JARID2: variants seen among roughly 807,000 people sequenced by gnomAD.
JARID2 encodes the protein protein Jumonji.
In JARID2, 21 loss-of-function variants were observed where a neutral mutation model predicts 125.6. The ratio of observed to expected loss-of-function variants is 0.17; its 90% confidence interval spans 0.12 to 0.24. JARID2 has a LOEUF of 0.24. Ranked by LOEUF, JARID2 falls within the 10% of genes least tolerant of loss-of-function variation. The pLI, the probability that JARID2 is intolerant of heterozygous loss-of-function variation, is 1.00. For synonymous variants in JARID2, 736 were observed against 661.6 expected (o/e 1.11, Z -1.73); for missense variants, 1,303 against 1,639.6 (o/e 0.79, Z 3.55).
chr6:15,330,069 T>C (rs1216529640), intron 1 of JARID2, among the ~76,000 whole-genome samples: 5 of 152,180 alleles, frequency 3.3e-5, no homozygotes, highest in Non-Finnish European at 7.3e-5. Flanking sequence ...AGGAAAAGGA[T>C]ATATATGTGC....
intron 2 of JARID2, among the ~76,000 whole-genome samples, chr6:15,381,518 A>T (rs1189329720): frequency 1.3e-5 from 2 of 151,950 alleles, no homozygotes; most frequent in Non-Finnish European, 2.9e-5. Flanking sequence ...GTTTCCCCTG[A>T]TGTGAGGACA....
intron 1 of JARID2, among the ~76,000 whole-genome samples, chr6:15,324,136 G>A (rs1379044170): frequency 6.6e-6 from 1 of 151,120 alleles, no homozygotes; most frequent in Non-Finnish European, 1.5e-5. Flanking sequence ...CCAAGATTGG[G>A]CCACTGCACT....
At chr6:15,359,886 T>A (rs1763732531) in intron 1 of JARID2, among the ~76,000 whole-genome samples, 1 of 151,996 alleles carries the variant, frequency 6.6e-6, no homozygotes, top group Non-Finnish European at 1.5e-5. Flanking sequence ...GGCATTTCAC[T>A]GTCCTGGTCA....
intron 1 of JARID2, among the ~76,000 whole-genome samples, chr6:15,251,238 A>G (rs1303004628): frequency 6.6e-6 from 1 of 151,688 alleles, no homozygotes; most frequent in Non-Finnish European, 1.5e-5. Context: ...CTGGTCTTGA[A>G]CTCCTGACCT....
intron 5 of JARID2, among the ~76,000 whole-genome samples, chr6:15,469,159 T>TGGA (rs1768895134): frequency 6.6e-6 from 1 of 151,780 alleles, no homozygotes; most frequent in South Asian, 2.1e-4. Flanking sequence ...GTGTATAGTG[T>TGGA]GGAGGAGGAG....
At chr6:15,481,863 T>C (rs544125234) in intron 5 of JARID2, among the ~76,000 whole-genome samples, 1 of 152,348 alleles carries the variant, frequency 6.6e-6, no homozygotes, top group East Asian at 1.9e-4. Context: ...TAGAGTACCT[T>C]GCTGAAGTCT....
At chr6:15,463,754 G>A (rs996592809) in intron 4 of JARID2, among the ~76,000 whole-genome samples, 4 of 152,046 alleles carry the variant, frequency 2.6e-5, no homozygotes, top group African/African-American at 9.7e-5. Flanking sequence ...AAATACGTCT[G>A]CTAGATACGA....
At chr6:15,510,905 T>C (rs1181765085) in intron 12 of JARID2, among the ~76,000 whole-genome samples, 1 of 152,258 alleles carries the variant, frequency 6.6e-6, no homozygotes, top group Admixed American at 6.5e-5. Context: ...TGGCCTCTGT[T>C]AACAGAAGGA....
chr6:15,389,957 G>A (rs1764936033), intron 2 of JARID2, among the ~76,000 whole-genome samples: 1 of 152,176 alleles, frequency 6.6e-6, no homozygotes, highest in Non-Finnish European at 1.5e-5. Flanking sequence ...TTTAACTGGA[G>A]AGACTTTTTT....
chr6:15,389,195 C>T (rs1764908416), intron 2 of JARID2, among the ~76,000 whole-genome samples: 1 of 152,072 alleles, frequency 6.6e-6, no homozygotes, highest in African/African-American at 2.4e-5. Context: ...TTTATTTTTT[C>T]TGTTGCCCAG....
At chr6:15,313,184 A>G (rs1762073016) in intron 1 of JARID2, among the ~76,000 whole-genome samples, 1 of 152,186 alleles carries the variant, frequency 6.6e-6, no homozygotes, top group Non-Finnish European at 1.5e-5. Context: ...GTTAGGGAGA[A>G]TATGTTGACT....
chr6:15,408,193 A>G (rs1049072931), intron 2 of JARID2, among the ~76,000 whole-genome samples: 4 of 152,136 alleles, frequency 2.6e-5, no homozygotes, highest in African/African-American at 7.2e-5. Flanking sequence ...TCAAGGCTGC[A>G]ATAAGCTATG....
intron 1 of JARID2, among the ~76,000 whole-genome samples, chr6:15,262,687 G>A (rs1245266380): frequency 1.3e-5 from 2 of 152,038 alleles, no homozygotes; most frequent in African/African-American, 4.8e-5. Flanking sequence ...ACAGGTGTGC[G>A]CCACCACGCC....
At chr6:15,393,429 T>C (rs1325724027) in intron 2 of JARID2, among the ~76,000 whole-genome samples, 2 of 152,234 alleles carry the variant, frequency 1.3e-5, no homozygotes, top group Non-Finnish European at 2.9e-5. Context: ...ATTTCCATCA[T>C]TGAGTAATTC....
rs536580085 is a variant in JARID2 at position 15,277,597 on chromosome 6, C to T, written c.45+31013C>T. On this transcript the variant is annotated intron_variant, in intron 1 of 17. Coordinates refer to ENST00000341776, the MANE Select transcript of JARID2 (RefSeq NM_004973.4). ...TAGTTAAACTGAAACAAAGGTCCGA[C>T]AGTCTTTATTTTGCATTTTAAGGTA... Among the ~76,000 whole-genome samples, 114 of 152,256 alleles carry T rather than the reference C, an allele frequency of 7.5e-4. 2 individuals carry two copies. The Middle Eastern group carries it at 0.017, about 23-fold the overall frequency.
At chr6:15,433,483 C>T (rs1466153291) in intron 3 of JARID2, among the ~76,000 whole-genome samples, 2 of 148,680 alleles carry the variant, frequency 1.3e-5, no homozygotes, top group East Asian at 2.1e-4. Context: ...GCTTAGGTGG[C>T]GTGCATCCTA....
chr6:15,274,722 T>C (rs1760431866), intron 1 of JARID2, among the ~76,000 whole-genome samples: 1 of 152,164 alleles, frequency 6.6e-6, no homozygotes, highest in South Asian at 2.1e-4. Flanking sequence ...TTGTTGGTGG[T>C]GATCCTGGGC....
chr6:15,261,069 A>G (rs546563305), intron 1 of JARID2, among the ~76,000 whole-genome samples: 1 of 152,354 alleles, frequency 6.6e-6, no homozygotes, highest in Admixed American at 6.5e-5. Flanking sequence ...CAGTTTACCA[A>G]GGAAGGCCAT....
intron 1 of JARID2, among the ~76,000 whole-genome samples, chr6:15,283,705 A>ATTT (rs58730259): frequency 3.5e-5 from 4 of 113,134 alleles, no homozygotes; most frequent in Admixed American, 9.5e-5. Context: ...TCCTTTAAGT[A>ATTT]TTTTTTTTTT....
Sources: gnomAD v4.1 joint callset for allele counts (sites outside exome capture counted in the v4.1 genomes callset) on GRCh38, gnomAD v4.1.1 for gene constraint, MANE v1.5 for transcripts, NCBI Gene and HGNC (gene_info 2026-07-23, HGNC 2026-07-21) for gene names.